Variants in GRM7 observed in about 807,000 individuals in gnomAD.
GRM7 encodes metabotropic glutamate receptor 7.
A neutral mutation model predicts 84.5 loss-of-function variants in GRM7; 35 were observed. The observed-to-expected ratio is 0.41, with a 90% CI of 0.32 to 0.55. The LOEUF (loss-of-function observed/expected upper bound fraction) is 0.55, where lower values mean the gene tolerates loss of function less well. Ranked by LOEUF, GRM7 falls within the 20% of genes least tolerant of loss-of-function variation. GRM7 has a pLI of 0.19. For missense variants in GRM7, 1,003 were observed against 1,194.6 expected (o/e 0.84, Z 2.36); for synonymous variants, 487 against 455.1 (o/e 1.07, Z -0.89).
intron 8 of GRM7, among the ~76,000 whole-genome samples, chr3:7,598,056 A>G (rs925545074): frequency 1.3e-5 from 2 of 152,184 alleles, no homozygotes; most frequent in African/African-American, 4.8e-5. Flanking sequence ...GGATACAGGT[A>G]TTTGTTTCCT....
At chr3:7,403,283 A>T (rs1695528289) in intron 4 of GRM7, 1 of 202,454 alleles carries the variant, frequency 4.9e-6, no homozygotes, top group Non-Finnish European at 1.1e-5. Flanking sequence ...GAAAGTGATT[A>T]TGATAATTTG....
intron 1 of GRM7, among the ~76,000 whole-genome samples, chr3:7,098,096 A>C (rs1452997098): frequency 6.6e-6 from 1 of 152,060 alleles, no homozygotes. Context: ...GATTACCCAG[A>C]ATGGTTTTTA....
intron 4 of GRM7, among the ~76,000 whole-genome samples, chr3:7,379,701 G>C (rs1340105358): frequency 6.6e-6 from 1 of 152,040 alleles, no homozygotes; most frequent in Non-Finnish European, 1.5e-5. Context: ...TATACCCTTA[G>C]TGGATATTTT....
intron 1 of GRM7, among the ~76,000 whole-genome samples, chr3:7,015,863 C>G (rs1198900457): frequency 6.6e-6 from 1 of 152,168 alleles, no homozygotes. Flanking sequence ...AACTTAGTCT[C>G]AGAAGTCATG....
intron 1 of GRM7, among the ~76,000 whole-genome samples, chr3:6,920,899 A>G (rs1444333778): frequency 6.6e-6 from 1 of 152,138 alleles, no homozygotes; most frequent in East Asian, 1.9e-4. Flanking sequence ...CAAAAATATC[A>G]CCAGCATGTC....
At chr3:7,522,504 G>A (rs1013185053) in intron 7 of GRM7, among the ~76,000 whole-genome samples, 10 of 152,158 alleles carry the variant, frequency 6.6e-5, no homozygotes, top group African/African-American at 2.2e-4. Context: ...CACCTCCAGA[G>A]GTCAGTTTAT....
intron 2 of GRM7, among the ~76,000 whole-genome samples, chr3:7,289,104 G>A (rs1421493518): frequency 1.3e-5 from 2 of 152,144 alleles, no homozygotes; most frequent in Admixed American, 6.5e-5. Flanking sequence ...GATGCACAGT[G>A]GGACATTTTT....
intron 1 of GRM7, among the ~76,000 whole-genome samples, chr3:6,929,415 G>C (rs1198157981): frequency 6.6e-6 from 1 of 152,192 alleles, no homozygotes; most frequent in Admixed American, 6.5e-5. Flanking sequence ...CCAGAAACTA[G>C]TGAAAGGTAT....
At chr3:6,991,555 A>G (rs1433492855) in intron 1 of GRM7, among the ~76,000 whole-genome samples, 1 of 152,204 alleles carries the variant, frequency 6.6e-6, no homozygotes. Context: ...AGGCACAAAC[A>G]AGATTTGAGA....
chr3:7,240,092 G>A (rs1370187147), intron 2 of GRM7, among the ~76,000 whole-genome samples: 1 of 138,984 alleles, frequency 7.2e-6, no homozygotes, highest in Non-Finnish European at 1.5e-5. Context: ...TATGAGTAAG[G>A]AGTACCAGTA....
intron 7 of GRM7, among the ~76,000 whole-genome samples, chr3:7,477,446 TG>T: frequency 6.6e-6 from 1 of 152,268 alleles, no homozygotes; most frequent in South Asian, 2.1e-4. Flanking sequence ...TGACGCAAAC[TG>T]GCTTCCAGAA....
intron 8 of GRM7, among the ~76,000 whole-genome samples, chr3:7,580,493 T>C (rs1695198352): frequency 6.6e-6 from 1 of 152,210 alleles, no homozygotes; most frequent in South Asian, 2.1e-4. Context: ...ATTAGATTAC[T>C]CTAGTTTTTC....
chr3:7,200,521 A>T (rs993164934), intron 2 of GRM7, among the ~76,000 whole-genome samples: 3 of 152,200 alleles, frequency 2.0e-5, no homozygotes, highest in Non-Finnish European at 2.9e-5. Flanking sequence ...ACAAGCTCCC[A>T]GATGACGCCA....
intron 3 of GRM7, among the ~76,000 whole-genome samples, chr3:7,302,931 A>ATTTTTTTTTTTTTTTTTTTTTT (rs761399796): frequency 1.6e-4 from 19 of 121,944 alleles, no homozygotes; most frequent in African/African-American, 2.6e-4. Flanking sequence ...TGATTGTTCT[A>ATTTTTTTTTTTTTTTTTTTTTT]TTTTTTTTTT....
At chr3:7,199,777 A>T (rs1166811267) in intron 2 of GRM7, among the ~76,000 whole-genome samples, 3 of 152,174 alleles carry the variant, frequency 2.0e-5, no homozygotes, top group Non-Finnish European at 4.4e-5. Flanking sequence ...CTTAGGTGGT[A>T]CCCAATAATT....
chr3:7,556,928 G>T (rs1424543004), intron 7 of GRM7, among the ~76,000 whole-genome samples: 1 of 152,158 alleles, frequency 6.6e-6, no homozygotes, highest in Admixed American at 6.6e-5. Flanking sequence ...TCTGGAGAAT[G>T]CTCATAGGAT....
chr3:7,421,745 C>T (rs946466833), intron 5 of GRM7, among the ~76,000 whole-genome samples: 17 of 152,072 alleles, frequency 1.1e-4, no homozygotes, highest in East Asian at 9.7e-4. Flanking sequence ...GTTTTGATGA[C>T]TCCAGGTCCT....
chr3:7,441,794 G>T (rs565718484), intron 5 of GRM7, among the ~76,000 whole-genome samples: 23 of 152,162 alleles, frequency 1.5e-4, no homozygotes, highest in Admixed American at 3.9e-4. Context: ...CTGTAAGTGT[G>T]CAGCTTTATT....
intron 1 of GRM7, among the ~76,000 whole-genome samples, chr3:7,070,294 T>G (rs887397032): frequency 3.3e-5 from 5 of 152,142 alleles, no homozygotes; most frequent in Non-Finnish European, 7.4e-5. Context: ...AAAGTGTATT[T>G]TGTTTAGAAT....
Sources: allele counts gnomAD v4.1 joint callset (sites outside exome capture counted in the v4.1 genomes callset), GRCh38; gene constraint gnomAD v4.1.1; transcripts MANE v1.5; gene names NCBI Gene and HGNC (gene_info 2026-07-23, HGNC 2026-07-21).